CNTN3: variants seen among roughly 807,000 people sequenced by gnomAD.
CNTN3 encodes contactin-3.
Under a neutral mutation model 119.1 loss-of-function variants are expected in CNTN3, and 60 were observed. The observed-to-expected ratio is 0.50, with a 90% confidence interval of 0.41 to 0.62. The LOEUF (loss-of-function observed/expected upper bound fraction) is 0.62, where lower values mean the gene tolerates loss of function less well. Ranked by LOEUF, CNTN3 falls within the 20% of genes least tolerant of loss-of-function variation. CNTN3 has a pLI of 0.00. For missense variants in CNTN3, 1,101 were observed against 1,242.4 expected, an observed-to-expected ratio of 0.89 and a Z score of 1.71; for synonymous variants, 450 against 438.7, an observed-to-expected ratio of 1.03 and a Z score of -0.32.
intron 5 of CNTN3, among the ~76,000 whole-genome samples, chr3:74,407,291 G>T (rs1166805471): frequency 3.2e-5 from 4 of 125,936 alleles, no homozygotes; most frequent in Non-Finnish European, 6.5e-5. Context: ...TTTTTGAGAC[G>T]GAGTCTCACT....
intron 4 of CNTN3, among the ~76,000 whole-genome samples, chr3:74,481,088 T>A (rs1429584956): frequency 2.0e-5 from 3 of 151,814 alleles, no homozygotes; most frequent in Non-Finnish European, 4.4e-5. Flanking sequence ...GACAAAAAAA[T>A]ACAGTCACTC....
chr3:74,352,342 C>A (rs560824620), intron 11 of CNTN3, among the ~76,000 whole-genome samples: 19 of 152,302 alleles, frequency 1.2e-4, no homozygotes, highest in African/African-American at 3.8e-4. Flanking sequence ...CTGCTTCTTA[C>A]TGGTTTAAAA....
intron 1 of CNTN3, among the ~76,000 whole-genome samples, chr3:74,567,248 C>T (rs1169429674): frequency 3.3e-5 from 5 of 151,810 alleles, no homozygotes; most frequent in Non-Finnish European, 7.4e-5. Context: ...TCAAGTGATC[C>T]TCCCAACTGT....
At chr3:74,599,397 G>A (rs2106701069) in intron 1 of CNTN3, among the ~76,000 whole-genome samples, 1 of 152,176 alleles carries the variant, frequency 6.6e-6, no homozygotes, top group African/African-American at 2.4e-5. Flanking sequence ...GAATGACCCA[G>A]GTCAGCACTC....
chr3:74,425,558 A>T lies in CNTN3; in HGVS notation c.359-618T>A, dbSNP rs1701682862. 2.0e-5 allele frequency among the ~76,000 whole-genome samples: 3 copies of T among 152,206 alleles called. No homozygotes were observed. In the South Asian group the frequency reaches 6.2e-4, roughly 31 times the overall value. ...TATCCAAAGACAAAGCGTGTATCAG[A>T]ATGAACTAACCAGACAATATAATTC... On this transcript the variant is annotated intron_variant, in intron 4 of 22. Coordinates refer to ENST00000263665, the MANE Select transcript of CNTN3 (RefSeq NM_020872.3).
chr3:74,451,214 T>C (rs1035381095), intron 4 of CNTN3, among the ~76,000 whole-genome samples: 1 of 152,156 alleles, frequency 6.6e-6, no homozygotes, highest in Non-Finnish European at 1.5e-5. Flanking sequence ...TTCTAACTGG[T>C]GTGAGATGGT....
chr3:74,357,409 A>G (rs1438698617), intron 11 of CNTN3, among the ~76,000 whole-genome samples: 1 of 151,836 alleles, frequency 6.6e-6, no homozygotes, highest in African/African-American at 2.4e-5. Flanking sequence ...TCAGCCTCCC[A>G]AGTAGCTGGG....
intron 5 of CNTN3, among the ~76,000 whole-genome samples, chr3:74,395,999 C>T (rs530716975): frequency 6.6e-6 from 1 of 152,110 alleles, no homozygotes; most frequent in Non-Finnish European, 1.5e-5. Context: ...TGTAAGATGG[C>T]AAACTTGATT....
At chr3:74,314,327 A>T (rs1702774922) in intron 13 of CNTN3, among the ~76,000 whole-genome samples, 1 of 152,240 alleles carries the variant, frequency 6.6e-6, no homozygotes, top group African/African-American at 2.4e-5. Context: ...CTACTTGAAT[A>T]TCTATAATCT....
At chr3:74,338,397 T>C (rs1236703985) in intron 11 of CNTN3, among the ~76,000 whole-genome samples, 2 of 151,834 alleles carry the variant, frequency 1.3e-5, no homozygotes, top group African/African-American at 2.4e-5. Flanking sequence ...TGTATGTGTG[T>C]ATATATATAC....
intron 3 of CNTN3, among the ~76,000 whole-genome samples, chr3:74,498,454 C>A (rs1387750522): frequency 2.6e-5 from 4 of 151,726 alleles, no homozygotes; most frequent in Admixed American, 6.6e-5. Context: ...AACTTTTTCT[C>A]ATCTTTGCCA....
intron 1 of CNTN3, among the ~76,000 whole-genome samples, chr3:74,599,874 G>C (rs1445760427): frequency 2.0e-5 from 3 of 152,042 alleles, no homozygotes; most frequent in African/African-American, 7.2e-5. Flanking sequence ...GATAGGTCTA[G>C]ATCTTTACAT....
chr3:74,411,143 T>G (rs1701431939), intron 5 of CNTN3, among the ~76,000 whole-genome samples: 1 of 152,118 alleles, frequency 6.6e-6, no homozygotes, highest in African/African-American at 2.4e-5. Flanking sequence ...CCTATCCTCT[T>G]TCTTTATAAT....
intron 13 of CNTN3, among the ~76,000 whole-genome samples, chr3:74,310,322 A>T (rs1206702360): frequency 6.6e-6 from 1 of 152,248 alleles, no homozygotes; most frequent in Admixed American, 6.5e-5. Context: ...TACTATTGCT[A>T]TATAACAAAT....
chr3:74,314,977 G>A (rs970037042), intron 13 of CNTN3, among the ~76,000 whole-genome samples: 3 of 152,144 alleles, frequency 2.0e-5, no homozygotes, highest in East Asian at 3.9e-4. Flanking sequence ...CACAAGATAC[G>A]GGTCACAAAG....
At chr3:74,431,796 GTC>G (rs1186800178) in intron 4 of CNTN3, among the ~76,000 whole-genome samples, 3 of 152,102 alleles carry the variant, frequency 2.0e-5, no homozygotes, top group Admixed American at 2.0e-4. Context: ...TGACTAAATG[GTC>G]TCAACATTTA....
chr3:74,395,960 T>C (rs1705040331), intron 5 of CNTN3, among the ~76,000 whole-genome samples: 1 of 152,194 alleles, frequency 6.6e-6, no homozygotes, highest in Non-Finnish European at 1.5e-5. Flanking sequence ...ACTATTGTAA[T>C]TTTTGGGGAG....
intron 1 of CNTN3, among the ~76,000 whole-genome samples, chr3:74,530,447 A>G (rs1575811208): frequency 6.6e-6 from 1 of 151,892 alleles, no homozygotes; most frequent in South Asian, 2.1e-4. Flanking sequence ...CACAGAGAGG[A>G]AGGCAGGTAC....
chr3:74,587,128 GA>G lies in CNTN3; in HGVS notation c.-81+27262del, dbSNP rs147526703. Among the ~76,000 whole-genome samples the G allele has an allele frequency of 9.7e-3, 1,473 of 152,046 alleles. 15 individuals are homozygous for G. The highest frequency in any genetic ancestry group is 0.029 in the African/African-American group (1,221 of 41,502). On this transcript the variant is annotated intron_variant, in intron 1 of 22. Transcript: ENST00000263665. ...AAGTGACCTCTATTTCCATGGAGGG[GA>G]AAAAAAGCAATAAAAGCATAAGAGT... is the stretch of plus-strand genomic sequence containing the variant.
Sources: allele counts gnomAD v4.1 joint callset (sites outside exome capture counted in the v4.1 genomes callset), GRCh38; gene constraint gnomAD v4.1.1; transcripts MANE v1.5; gene names NCBI Gene and HGNC (gene_info 2026-07-23, HGNC 2026-07-21).